The following KCNG3 variants were observed in gnomAD, a reference collection of about 807,000 sequenced individuals.
KCNG3 encodes the protein voltage-gated potassium channel regulatory subunit KCNG3.
Under a neutral mutation model 29.0 loss-of-function variants are expected in KCNG3, and 15 were observed. The observed-to-expected ratio is 0.52, with a 90% CI of 0.35 to 0.80. KCNG3 has a LOEUF of 0.80. Among genes scored for constraint, KCNG3 ranks in the 30% least tolerant of loss-of-function variants. KCNG3 has a pLI of 0.01. For synonymous variants in KCNG3, 322 were observed against 248.9 expected (o/e 1.29, Z -2.76); for missense variants, 512 against 605.7 (o/e 0.85, Z 1.62).
intron 1 of KCNG3, among the ~76,000 whole-genome samples, chr2:42,447,121 C>G (rs1283183766): frequency 1.6e-5 from 2 of 128,178 alleles, no homozygotes; most frequent in African/African-American, 5.9e-5. Flanking sequence ...AGGGAAAAGT[C>G]TCACCTCTCA....
the KCNG3 span, among the ~76,000 whole-genome samples, chr2:42,400,541 C>G: frequency 2.0e-5 from 3 of 152,064 alleles, no homozygotes; most frequent in Admixed American, 6.6e-5. Flanking sequence ...CCAAACACCC[C>G]CTCCTTGTCA....
At chr2:42,438,422 C>T (rs936751480), downstream of KCNG3, among the ~76,000 whole-genome samples, 21 of 152,124 alleles carry the variant, frequency 1.4e-4, no homozygotes, top group African/African-American at 4.8e-4. Flanking sequence ...CATCAAAGCA[C>T]TCCTTCAGAT....
chr2:42,424,682 T>C, the KCNG3 span: 1 of 152,218 alleles, frequency 6.6e-6, no homozygotes, highest in Non-Finnish European at 1.5e-5. Flanking sequence ...CTCTGATTAA[T>C]AGCACATAAG....
At position 42,493,478 on chromosome 2, in the gene KCNG3, C is replaced by A; in HGVS notation, c.24G>T (p.Ala8=). The A allele has an allele frequency of 7.0e-7, 1 of 1,420,034 alleles. No homozygotes were observed. Among genetic ancestry groups the A allele is most frequent in the Non-Finnish European group, 9.1e-7 (1 of 1,094,828 alleles). The allele number at this position is 1,420,034 out of a possible 1,614,324, so 88.0% of individuals were successfully genotyped here. The part of the protein sequence containing the change: MTFGRSG[A]ASVVLNVGGA... The stretch of plus-strand genomic sequence containing the variant: ...CGCCCACGTTCAGCACCACCGAGGC[C>A]GCCCCGCTGCGCCCGAAGGTCATGG... Residue 8 remains alanine, a synonymous_variant, in exon 1 of 2, where the codon GCG becomes GCT. Coordinates refer to ENST00000306078, the MANE Select transcript of KCNG3 (RefSeq NM_133329.6).
chr2:42,448,944 C>T (rs972684486), intron 1 of KCNG3, among the ~76,000 whole-genome samples: 1 of 151,894 alleles, frequency 6.6e-6, no homozygotes, highest in Non-Finnish European at 1.5e-5. Flanking sequence ...CGCCACTGCA[C>T]TCCAGCCTGG....
chr2:42,472,904 T>TA (rs1553330073), intron 1 of KCNG3, among the ~76,000 whole-genome samples: 39,365 of 85,764 alleles, frequency 0.46, 5,895 homozygotes, highest in Middle Eastern at 0.59. Context: ...TATATATATA[T>TA]TTTTTTTTTT....
the KCNG3 span, among the ~76,000 whole-genome samples, chr2:42,403,487 T>TTTG: frequency 6.8e-6 from 1 of 146,406 alleles, no homozygotes; most frequent in Non-Finnish European, 1.5e-5. Flanking sequence ...GTTTTTTTTT[T>TTTG]TTTTTTTTTT....
At chr2:42,395,070 A>T in the KCNG3 span, among the ~76,000 whole-genome samples, 2 of 152,192 alleles carry the variant, frequency 1.3e-5, no homozygotes, top group Non-Finnish European at 2.9e-5. Flanking sequence ...CATTTTTCTA[A>T]ATCAAAGAAT....
the KCNG3 span, among the ~76,000 whole-genome samples, chr2:42,432,336 G>C: frequency 1.3e-5 from 2 of 152,346 alleles, no homozygotes; most frequent in Middle Eastern, 6.8e-3. Context: ...CTCCACCCCA[G>C]TAATTCAGTG....
At chr2:42,414,873 C>A in the KCNG3 span, among the ~76,000 whole-genome samples, 1 of 152,212 alleles carries the variant, frequency 6.6e-6, no homozygotes, top group African/African-American at 2.4e-5. Flanking sequence ...TTTTTCACAT[C>A]TACCTGTTCT....
the KCNG3 span, chr2:42,413,568 C>T: frequency 6.6e-6 from 1 of 151,926 alleles, no homozygotes; most frequent in African/African-American, 2.4e-5. Flanking sequence ...ACATTTTAAA[C>T]CTTTTATTTT....
At chr2:42,483,373 G>C (rs573736305) in intron 1 of KCNG3, among the ~76,000 whole-genome samples, 24 of 152,174 alleles carry the variant, frequency 1.6e-4, no homozygotes, top group Non-Finnish European at 3.2e-4. Context: ...TTGGAATTTA[G>C]CCTAAATATA....
At chr2:42,465,916 C>T (rs6544549) in intron 1 of KCNG3, among the ~76,000 whole-genome samples, 130,543 of 152,200 alleles carry the variant, frequency 0.86, 55,966 homozygotes, top group Middle Eastern at 0.95. Flanking sequence ...CACAATGAGA[C>T]ATTACTACAC....
At chr2:42,394,283 G>C in the KCNG3 span, among the ~76,000 whole-genome samples, 1 of 152,188 alleles carries the variant, frequency 6.6e-6, no homozygotes, top group African/African-American at 2.4e-5. Context: ...GCAGGGAAGA[G>C]TAGACATAGG....
chr2:42,470,041 C>T (rs1673248170), intron 1 of KCNG3: 1 of 503,144 alleles, frequency 2.0e-6, no homozygotes, highest in South Asian at 2.6e-5. Flanking sequence ...TTCTTAAGTC[C>T]AAAGGACTTG....
At chr2:42,435,462 T>C in the KCNG3 span, among the ~76,000 whole-genome samples, 1 of 152,250 alleles carries the variant, frequency 6.6e-6, no homozygotes, top group South Asian at 2.1e-4. Context: ...AAATGATACA[T>C]ACCACTAAGA....
the KCNG3 span, among the ~76,000 whole-genome samples, chr2:42,407,749 G>T: frequency 6.6e-6 from 1 of 152,042 alleles, no homozygotes; most frequent in African/African-American, 2.4e-5. Flanking sequence ...TCAGACCCGG[G>T]CCTCCCTGTG....
chr2:42,399,730 G>T, the KCNG3 span, among the ~76,000 whole-genome samples: 1 of 152,168 alleles, frequency 6.6e-6, no homozygotes, highest in Non-Finnish European at 1.5e-5. Flanking sequence ...ACTGTGAGCA[G>T]TTCCCATCCC....
the KCNG3 span, among the ~76,000 whole-genome samples, chr2:42,411,366 T>C: frequency 1.3e-5 from 2 of 152,228 alleles, no homozygotes; most frequent in Non-Finnish European, 2.9e-5. Flanking sequence ...GTTAGAGAAC[T>C]GAAGTCTTTA....
Sources: allele counts gnomAD v4.1 joint callset (sites outside exome capture counted in the v4.1 genomes callset), GRCh38; gene constraint gnomAD v4.1.1; transcripts MANE v1.5; gene names NCBI Gene and HGNC (gene_info 2026-07-23, HGNC 2026-07-21).